The following OXR1 variants were observed in gnomAD, a reference collection of about 807,000 sequenced individuals.
OXR1 encodes the protein oxidation resistance protein 1.
Under a neutral mutation model 104.6 loss-of-function variants are expected in OXR1, and 41 were observed. The observed-to-expected ratio is 0.39, with a 90% CI of 0.31 to 0.51. OXR1 has a LOEUF of 0.51. OXR1 is among the 20% of genes least tolerant of loss of function. The probability of loss-of-function intolerance (pLI) is 0.77; values close to 1 mark genes in which losing one functional copy is unlikely to be tolerated. For synonymous variants in OXR1, 348 were observed against 348.4 expected (o/e 1.00, Z 0.01); for missense variants, 955 against 1,031.9 (o/e 0.93, Z 1.02).
intron 2 of OXR1, among the ~76,000 whole-genome samples, chr8:106,451,020 G>GCACTCCTATAGAACCTATCAA (rs1233722959): frequency 6.6e-6 from 1 of 152,056 alleles, no homozygotes; most frequent in Non-Finnish European, 1.5e-5. Flanking sequence ...CACATCCTTT[G>GCACTCCTATAGAACCTATCAA]CACTCCTATA....
intron 1 of OXR1, among the ~76,000 whole-genome samples, chr8:106,317,615 G>A (rs1814023346): frequency 6.6e-6 from 1 of 151,984 alleles, no homozygotes; most frequent in Non-Finnish European, 1.5e-5. Flanking sequence ...GGACACCATT[G>A]GATCAAGGTG....
rs375219653 is a variant in OXR1, at chr8:106,742,204, T to A, written c.2317-18T>A. ...AATTTGTTAGTCGTGTCATTGAATATGCCTTTTTTATCCTTAGGTTTTTGG... is the reference window on the plus strand; with the variant it reads ...AATTTGTTAGTCGTGTCATTGAATAAGCCTTTTTTATCCTTAGGTTTTTGG... On this transcript the variant is annotated intron_variant, in intron 14 of 16. Transcript: ENST00000517566. The A allele has an allele frequency of 1.4e-6, 2 of 1,379,830 alleles. No individual in the cohort carries two copies. Among genetic ancestry groups the A allele is most frequent in the African/African-American group, 2.8e-5 (2 of 71,176 alleles). 85.5% of individuals were successfully genotyped at this position (1,379,830 alleles called of 1,614,324 possible). A position where few individuals can be genotyped will look rare whatever the true frequency, so the allele number is the denominator to read the frequency against.
chr8:106,648,701 T>C (rs184735439), intron 3 of OXR1, among the ~76,000 whole-genome samples: 29 of 152,332 alleles, frequency 1.9e-4, no homozygotes, highest in African/African-American at 6.7e-4. Flanking sequence ...TATTAATAGT[T>C]GCTTTCCAGT....
intron 3 of OXR1, among the ~76,000 whole-genome samples, chr8:106,539,080 C>T (rs989193191): frequency 6.6e-6 from 1 of 152,166 alleles, no homozygotes. Flanking sequence ...GGGTACATGT[C>T]ATACTATCTT....
chr8:106,638,044 C>T (rs1823303021), intron 3 of OXR1, among the ~76,000 whole-genome samples: 1 of 152,020 alleles, frequency 6.6e-6, no homozygotes, highest in African/African-American at 2.4e-5. Flanking sequence ...GGATTACAGG[C>T]GTGAGCCACC....
rs1485871443 is a variant in OXR1 at position 106,519,109 on chromosome 8, A to T, written c.190A>T (p.Arg64Trp). ...AAATACTCAGAAACATCCTTCCAGA[A>T]GGAGCGAACTGAAGAGGTTCTACAC... ...AANTQKHPSR[R>W]SELKRFYTID... is the part of the protein sequence containing the mutation. The change falls in exon 3 of 17, where the codon AGG (arginine) becomes TGG (tryptophan). Residue 64 changes from arginine to tryptophan, a missense_variant. By Grantham distance (101) the Arg-to-Trp change is moderately radical (BLOSUM62 -3). Transcript: ENST00000517566. The T allele has an allele frequency of 1.3e-6, 2 of 1,551,906 alleles. No homozygotes were observed. The highest frequency in any genetic ancestry group is 8.7e-7 in the Non-Finnish European group (1 of 1,146,986).
chr8:106,516,552 G>A (rs1812873779), intron 2 of OXR1, among the ~76,000 whole-genome samples: 1 of 151,580 alleles, frequency 6.6e-6, no homozygotes, highest in African/African-American at 2.4e-5. Context: ...CATTCCCAGT[G>A]GAAAAAAAGG....
chr8:106,647,426 G>A (rs1824175524), intron 3 of OXR1, among the ~76,000 whole-genome samples: 1 of 152,092 alleles, frequency 6.6e-6, no homozygotes, highest in South Asian at 2.1e-4. Flanking sequence ...GGACACAGGT[G>A]GCAGTCTCAC....
intron 1 of OXR1, among the ~76,000 whole-genome samples, chr8:106,274,601 C>CCG (rs1554616299): frequency 5.1e-5 from 2 of 38,852 alleles, no homozygotes; most frequent in African/African-American, 3.7e-4. Context: ...AGCAACGCCA[C>CCG]CCCCCCCCCG....
In OXR1 at chr8:106,427,431, G is replaced by T. The variant is rs568873049; in HGVS notation, c.23+67795G>T. ...ATCTGCCCGCCTCAGCCTCCCAAAGGGCTGGGATTACAGGCATGAATTGAT... is the reference window on the plus strand; with the variant it reads ...ATCTGCCCGCCTCAGCCTCCCAAAGTGCTGGGATTACAGGCATGAATTGAT... On this transcript the variant is annotated intron_variant, in intron 2 of 16. Coordinates refer to ENST00000517566, the MANE Select transcript of OXR1 (RefSeq NM_001198533.2). 3.3e-5 allele frequency among the ~76,000 whole-genome samples: 5 copies of T among 152,120 alleles called. No homozygotes were observed. The South Asian group carries it at 8.3e-4, about 25-fold the overall frequency.
chr8:106,303,951 T>C (rs1813372268), intron 1 of OXR1, among the ~76,000 whole-genome samples: 1 of 152,192 alleles, frequency 6.6e-6, no homozygotes, highest in African/African-American at 2.4e-5. Flanking sequence ...CTGTAAATAG[T>C]AAAAAACACT....
intron 2 of OXR1, among the ~76,000 whole-genome samples, chr8:106,479,051 AAGT>A (rs1821960340): frequency 6.6e-6 from 1 of 151,984 alleles, no homozygotes; most frequent in Non-Finnish European, 1.5e-5. Flanking sequence ...AGAGGAGAAA[AAGT>A]GTGACTTCCT....
At chr8:106,737,747 G>A (rs956642310) in intron 12 of OXR1, 147 bp downstream of exon 12, 3 of 399,674 alleles carry the variant, frequency 7.5e-6, no homozygotes, top group South Asian at 1.3e-4. Context: ...TTATAGTATT[G>A]CCGTGAAGAG....
rs182070261 is a variant in OXR1, at chr8:106,751,120, A to G, written c.*179A>G. ...ATTTTTCAAATCATGTTCTTGTCCC[A>G]GAGTTCTTTAGGTTAACACTAGGGA... On this transcript the variant is annotated 3_prime_UTR_variant, in exon 17 of 17. Transcript: ENST00000517566. 51 of 492,614 alleles carry G rather than the reference A, an allele frequency of 1.0e-4. No homozygotes were observed. The East Asian group carries it at 1.8e-3, about 17-fold the overall frequency. 30.5% of individuals were successfully genotyped at this position (492,614 alleles called of 1,614,324 possible).
intron 3 of OXR1, among the ~76,000 whole-genome samples, chr8:106,558,171 T>A (rs1227768462): frequency 6.6e-6 from 1 of 152,182 alleles, no homozygotes; most frequent in Non-Finnish European, 1.5e-5. Context: ...AGTAATGAAC[T>A]CCTAATTCTA....
chr8:106,347,021 C>G (rs1337455222), intron 1 of OXR1, among the ~76,000 whole-genome samples: 2 of 152,116 alleles, frequency 1.3e-5, no homozygotes, highest in Admixed American at 1.3e-4. Context: ...CCAGCTTAGG[C>G]GACAAAGCGA....
intron 3 of OXR1, among the ~76,000 whole-genome samples, chr8:106,564,739 A>G (rs1191505853): frequency 6.6e-6 from 1 of 152,204 alleles, no homozygotes; most frequent in African/African-American, 2.4e-5. Flanking sequence ...CCTCAATAAA[A>G]TCCTGGCAAA....
intron 7 of OXR1, among the ~76,000 whole-genome samples, chr8:106,699,511 T>C (rs919195703): frequency 1.3e-5 from 2 of 152,176 alleles, no homozygotes; most frequent in Non-Finnish European, 2.9e-5. Context: ...AGCATTCCGG[T>C]GTCTGAAAAT....
intron 11 of OXR1, among the ~76,000 whole-genome samples, chr8:106,723,049 C>T (rs150516215): frequency 6.6e-6 from 1 of 152,194 alleles, no homozygotes; most frequent in Non-Finnish European, 1.5e-5. Flanking sequence ...TGAGCTATAA[C>T]ATTTCCATTA....
Sources: allele counts gnomAD v4.1 joint callset (sites outside exome capture counted in the v4.1 genomes callset), GRCh38; gene constraint gnomAD v4.1.1; transcripts MANE v1.5; gene names NCBI Gene and HGNC (gene_info 2026-07-23, HGNC 2026-07-21).